Variants in WNT7B observed in about 807,000 individuals in gnomAD.
The protein encoded by WNT7B is Wnt family member 7B.
WNT7B carries 19 observed loss-of-function variants against 38.2 expected under a neutral mutation model. The ratio of observed to expected loss-of-function variants is 0.50; its 90% CI spans 0.35 to 0.73. WNT7B has a LOEUF of 0.73. WNT7B is among the 30% of genes least tolerant of loss of function. The pLI is 0.01. For synonymous variants in WNT7B, 243 were observed against 209.3 expected (o/e 1.16, Z -1.39); for missense variants, 423 against 507.9 (o/e 0.83, Z 1.61).
chr22:45,952,823 G>A (rs557907288), intron 1 of WNT7B, among the ~76,000 whole-genome samples: 2 of 152,310 alleles, frequency 1.3e-5, no homozygotes, highest in South Asian at 2.1e-4. Flanking sequence ...GACCAAGTCC[G>A]TCTGCTCAAA....
intron 2 of WNT7B, among the ~76,000 whole-genome samples, chr22:45,938,716 C>A (rs1294498191): frequency 6.6e-6 from 1 of 151,822 alleles, no homozygotes; most frequent in Non-Finnish European, 1.5e-5. Flanking sequence ...GGGGTGACTA[C>A]AGTTAAGAAC....
At position 45,929,699 on chromosome 22, in the gene WNT7B, TC is replaced by T. The variant is rs1931249551; in HGVS notation, c.570+1398del. ...TTCCCTCCATACTTCCATCCACCCA[TC>T]TTTCCATCCACCCGTGAATCCACTC... is the stretch of plus-strand genomic sequence containing the variant. On this transcript the variant is annotated intron_variant, in intron 3 of 3. Coordinates refer to ENST00000339464, the MANE Select transcript of WNT7B (RefSeq NM_058238.3). Among the ~76,000 whole-genome samples, 651 of 136,948 alleles carry T rather than the reference TC, an allele frequency of 4.8e-3. 4 individuals carry two copies. The highest frequency in any genetic ancestry group is 0.017 in the African/African-American group (614 of 36,800). 89.8% of individuals were successfully genotyped at this position (136,948 alleles called of 152,430 possible).
intron 3 of WNT7B, chr22:45,927,207 CGGGCACT>C (rs1023241547): frequency 9.1e-6 from 9 of 985,292 alleles, no homozygotes; most frequent in Admixed American, 1.2e-4. Flanking sequence ...AGCTGGGGGC[CGGGCACT>C]GGGCACTCAG....
chr22:45,954,700 T>G, intron 1 of WNT7B: 2 of 985,366 alleles, frequency 2.0e-6, no homozygotes, highest in Non-Finnish European at 2.4e-6. Flanking sequence ...TATAAATAGT[T>G]AGATGTGGTT....
chr22:45,962,558 C>G (rs946862788), intron 1 of WNT7B, among the ~76,000 whole-genome samples: 4 of 152,232 alleles, frequency 2.6e-5, no homozygotes, highest in Admixed American at 2.6e-4. Flanking sequence ...CAGTTCTCCC[C>G]TCTCCACTCC....
At chr22:45,926,431 C>T in intron 3 of WNT7B, 1 of 985,342 alleles carries the variant, frequency 1.0e-6, no homozygotes, top group Non-Finnish European at 1.2e-6. Flanking sequence ...AGGAAAGGGC[C>T]AATTCAATGT....
At chr22:45,958,179 A>G (rs1278494192) in intron 1 of WNT7B, among the ~76,000 whole-genome samples, 2 of 152,182 alleles carry the variant, frequency 1.3e-5, no homozygotes, top group Non-Finnish European at 2.9e-5. Context: ...GGAGGCCAGG[A>G]AGGAACAGGG....
intron 2 of WNT7B, among the ~76,000 whole-genome samples, chr22:45,942,793 T>C (rs9803013): frequency 6.6e-6 from 1 of 151,998 alleles, no homozygotes; most frequent in East Asian, 1.9e-4. Context: ...ATATTACCCG[T>C]CTCCAAGCAG....
At chr22:45,938,472 A>C (rs997324105) in intron 2 of WNT7B, among the ~76,000 whole-genome samples, 1 of 152,152 alleles carries the variant, frequency 6.6e-6, no homozygotes, top group Non-Finnish European at 1.5e-5. Context: ...TCCCGTCTCT[A>C]CTACAAATAC....
At chr22:45,936,058 G>A in intron 2 of WNT7B, 1 of 985,398 alleles carries the variant, frequency 1.0e-6, no homozygotes, top group Non-Finnish European at 1.2e-6. Flanking sequence ...AAATGCCAGA[G>A]CAGACTATAT....
At chr22:45,936,872 C>T (rs1931526307) in intron 2 of WNT7B, among the ~76,000 whole-genome samples, 1 of 152,250 alleles carries the variant, frequency 6.6e-6, no homozygotes, top group Non-Finnish European at 1.5e-5. Context: ...GCTTCCCCCT[C>T]TTCTCCTCAG....
chr22:45,972,116 G>GGGGGGGGGGGGGCCCC, intron 1 of WNT7B: 1 of 530,740 alleles, frequency 1.9e-6, no homozygotes. Flanking sequence ...CCCGGGGGGA[G>GGGGGGGGGGGGGCCCC]CCCACCCGCC....
rs529104288 is a variant in WNT7B at position 45,942,377 on chromosome 22, G to A, written c.298+7543C>T. On this transcript the variant is annotated intron_variant, in intron 2 of 3. Coordinates refer to ENST00000339464, the MANE Select transcript of WNT7B (RefSeq NM_058238.3). ...GACCCTAGCCAGGGCTCAGTCCCAG[G>A]GGGACAACTCACTGCCTGAGCTAGT... 1.0e-3 allele frequency among the ~76,000 whole-genome samples: 158 copies of A among 152,348 alleles called. 1 individual carries two copies. The Middle Eastern group carries it at 0.02, about 20-fold the overall frequency.
At position 45,976,936 on chromosome 22, in the gene WNT7B, GCCGCCGCCA is replaced by G. The variant is rs1355033695; in HGVS notation, c.-191_-183del. 2.0e-6 allele frequency: 2 copies of G among 989,472 alleles called. No homozygotes were observed. Among genetic ancestry groups the G allele is most frequent in the East Asian group, 2.3e-4 (2 of 8,884 alleles). 61.3% of individuals were successfully genotyped at this position (989,472 alleles called of 1,614,324 possible). A position where few individuals can be genotyped will look rare whatever the true frequency, so the allele number is the denominator to read the frequency against. ...GCCACCATGGTGAGCCCGGGATGCC[GCCGCCGCCA>G]CCGCCGCGTGAGCCCGGGGAATTGA... On this transcript the variant is annotated 5_prime_UTR_variant, in exon 1 of 4. Transcript: ENST00000339464. This position sits in a 1 kb window ranked among gnomAD's most constrained non-coding sequence, Gnocchi z 8.5.
At chr22:45,929,285 C>G (rs1191289071) in intron 3 of WNT7B, among the ~76,000 whole-genome samples, 1 of 152,204 alleles carries the variant, frequency 6.6e-6, no homozygotes, top group African/African-American at 2.4e-5. Flanking sequence ...TCTGCCTGTA[C>G]CTGGAGACTA....
chr22:45,971,415 C>T (rs930074389), intron 1 of WNT7B, among the ~76,000 whole-genome samples: 3 of 152,232 alleles, frequency 2.0e-5, no homozygotes, highest in Non-Finnish European at 2.9e-5. Flanking sequence ...TGCGCGCCCC[C>T]TGGGCTCACT....
At position 45,926,085 on chromosome 22, in the gene WNT7B, G is replaced by A. The variant is rs149124134; in HGVS notation, c.571-2750C>T. 31 of 985,404 alleles carry A rather than the reference G, an allele frequency of 3.1e-5. No individual in the cohort carries two copies. In the African/African-American group the frequency reaches 3.5e-4, roughly 11 times the overall value. The allele number at this position is 985,404 out of a possible 1,614,324, so 61.0% of individuals were successfully genotyped here. On this transcript the variant is annotated intron_variant, in intron 3 of 3. Coordinates refer to ENST00000339464, the MANE Select transcript of WNT7B (RefSeq NM_058238.3). ...CGCAGGGCCAGGCCCGTGACCATCC[G>A]CAAATAAAGCCTACTGGGCCGCTGC...
intron 3 of WNT7B, among the ~76,000 whole-genome samples, chr22:45,929,917 TATCCTCCCATCCACCCACTC>T (rs1569111588): frequency 1.7e-5 from 1 of 58,354 alleles, no homozygotes; most frequent in Non-Finnish European, 3.4e-5. Flanking sequence ...CCCATCCATC[TATCCTCCCATCCACCCACTC>T]ATCCTTCCAT....
intron 3 of WNT7B, among the ~76,000 whole-genome samples, chr22:45,928,777 C>T (rs1366926407): frequency 6.6e-6 from 1 of 152,202 alleles, no homozygotes; most frequent in African/African-American, 2.4e-5. Context: ...GTGTCACTGC[C>T]CCAGGGCCCT....
Sources: allele counts gnomAD v4.1 joint callset (sites outside exome capture counted in the v4.1 genomes callset), GRCh38; gene constraint gnomAD v4.1.1; non-coding constraint Gnocchi (gnomAD v3.1); transcripts MANE v1.5; gene names NCBI Gene and HGNC (gene_info 2026-07-23, HGNC 2026-07-21).